The following MKLN1 variants were observed in gnomAD, a reference collection of about 807,000 sequenced individuals.
The protein encoded by MKLN1 is muskelin 1.
In MKLN1, 18 loss-of-function variants were observed where a neutral mutation model predicts 99.0. The observed-to-expected ratio is 0.18, with a 90% CI of 0.13 to 0.27. The LOEUF (loss-of-function observed/expected upper bound fraction) is 0.27, where lower values mean the gene tolerates loss of function less well. Ranked by LOEUF, MKLN1 falls within the 10% of genes least tolerant of loss-of-function variation. The pLI is 1.00. For synonymous variants in MKLN1, 288 were observed against 293.2 expected, an observed-to-expected ratio of 0.98 and a Z score of 0.18; for missense variants, 621 against 875.9, an observed-to-expected ratio of 0.71 and a Z score of 3.67.
At chr7:131,397,709 C>T (rs531668991) in intron 5 of MKLN1, among the ~76,000 whole-genome samples, 2 of 152,166 alleles carry the variant, frequency 1.3e-5, no homozygotes, top group African/African-American at 4.8e-5. Flanking sequence ...CCACAGTCTG[C>T]TTTTATGTTA....
chr7:131,352,999 T>G (rs1175022668), intron 1 of MKLN1, among the ~76,000 whole-genome samples: 1 of 152,176 alleles, frequency 6.6e-6, no homozygotes, highest in East Asian at 1.9e-4. Context: ...TGTGCCACAA[T>G]TTGTTGAACC....
Position 131,491,339 on chromosome 7 carries a change from GCCCC to G in MKLN1, c.*3612_*3615del, listed in dbSNP as rs1467690895. 1 of 151,942 alleles carries G rather than the reference GCCCC, an allele frequency of 6.6e-6. No individual in the cohort carries two copies. Among genetic ancestry groups the G allele is most frequent in the Non-Finnish European group, 1.5e-5 (1 of 68,004 alleles). 9.4% of individuals were successfully genotyped at this position (151,942 alleles called of 1,614,324 possible). Reference sequence around the variant, plus strand: ...CACCAAGTTTTGAATTCCTAAGGTAGCCCCGATCTAGGATGTGAAGGCTGCCCAG... The same window carrying G: ...CACCAAGTTTTGAATTCCTAAGGTAGGATCTAGGATGTGAAGGCTGCCCAG... On this transcript the variant is annotated 3_prime_UTR_variant, in exon 18 of 18. Coordinates refer to ENST00000352689, the MANE Select transcript of MKLN1 (RefSeq NM_013255.5).
At chr7:131,366,047 G>A (rs945471989) in intron 1 of MKLN1, among the ~76,000 whole-genome samples, 2 of 152,148 alleles carry the variant, frequency 1.3e-5, no homozygotes, top group African/African-American at 2.4e-5. Flanking sequence ...TTCGTGAGTA[G>A]TGTTTCCTAG....
At chr7:131,258,998 G>C (rs1276802437) in intron 3 of MKLN1, among the ~76,000 whole-genome samples, 1 of 152,112 alleles carries the variant, frequency 6.6e-6, no homozygotes, top group Non-Finnish European at 1.5e-5. Flanking sequence ...AGAATGTGAG[G>C]GTAACAGGGG....
At chr7:131,292,026 G>T (rs1453938736) in intron 3 of MKLN1, among the ~76,000 whole-genome samples, 1 of 152,096 alleles carries the variant, frequency 6.6e-6, no homozygotes, top group Non-Finnish European at 1.5e-5. Context: ...AGGATGGCTT[G>T]AGCATAGGAG....
chr7:131,376,119 TATATATATATATATATGTATG>T (rs1793646032), intron 2 of MKLN1, among the ~76,000 whole-genome samples: 2 of 194 alleles, frequency 0.01, no homozygotes, highest in African/African-American at 0.053. Flanking sequence ...TATATATATA[TATATATATATATATATGTATG>T]ATGTATGTAT....
intron 2 of MKLN1, among the ~76,000 whole-genome samples, chr7:131,187,761 C>G (rs1317135660): frequency 6.6e-6 from 1 of 152,144 alleles, no homozygotes; most frequent in Non-Finnish European, 1.5e-5. Context: ...GCCACTCTGA[C>G]TGACATGGCG....
chr7:131,470,639 A>G (rs572879026), intron 15 of MKLN1, among the ~76,000 whole-genome samples: 1 of 152,342 alleles, frequency 6.6e-6, no homozygotes, highest in East Asian at 1.9e-4. Context: ...ACCACCTGGC[A>G]TTACCATTAC....
intron 1 of MKLN1, among the ~76,000 whole-genome samples, chr7:131,120,698 C>A (rs1187578049): frequency 1.3e-5 from 2 of 152,190 alleles, no homozygotes; most frequent in African/African-American, 4.8e-5. Context: ...GTGACCTTCA[C>A]TCCAGTTCCC....
intron 3 of MKLN1, among the ~76,000 whole-genome samples, chr7:131,221,695 A>G (rs1031528892): frequency 3.7e-5 from 3 of 80,648 alleles, no homozygotes; most frequent in Non-Finnish European, 5.2e-5. Flanking sequence ...TTTTTTTTGT[A>G]TTTTTAGTAG....
chr7:131,280,768 C>G (rs1044452818), intron 3 of MKLN1, among the ~76,000 whole-genome samples: 3 of 152,088 alleles, frequency 2.0e-5, no homozygotes, highest in African/African-American at 7.2e-5. Flanking sequence ...TGTGCCTCAG[C>G]CTCCAGAGTA....
intron 2 of MKLN1, among the ~76,000 whole-genome samples, chr7:131,169,937 C>T (rs1385707769): frequency 1.3e-5 from 2 of 152,042 alleles, no homozygotes; most frequent in African/African-American, 4.8e-5. Flanking sequence ...CATAGAAAAC[C>T]CTTTCACCTA....
rs544263829 is a variant in MKLN1, at chr7:131,207,139, T to G, written c.-179+4165T>G. 6.6e-5 allele frequency among the ~76,000 whole-genome samples: 10 copies of G among 152,322 alleles called. No individual in the cohort carries two copies. The East Asian group carries it at 1.9e-3, about 29-fold the overall frequency. The stretch of plus-strand genomic sequence containing the variant: ...AGATATTTGAAGATGGGAATCCTTT[T>G]GTTTTCTATAGGCAAGTCTAGAAGG... On this transcript the variant is annotated intron_variant, in intron 3 of 7. Transcript: ENST00000416992.
chr7:131,172,664 A>G (rs911273723), intron 2 of MKLN1, among the ~76,000 whole-genome samples: 1 of 152,194 alleles, frequency 6.6e-6, no homozygotes, highest in Non-Finnish European at 1.5e-5. Flanking sequence ...AAGTTAGATA[A>G]TAGAAATTGA....
intron 1 of MKLN1, among the ~76,000 whole-genome samples, chr7:131,363,353 A>C (rs1800084739): frequency 6.6e-6 from 1 of 151,936 alleles, no homozygotes. Flanking sequence ...CCTCCTGCCC[A>C]CCTAGAATGT....
intron 9 of MKLN1, among the ~76,000 whole-genome samples, chr7:131,431,570 T>C (rs983454670): frequency 1.3e-5 from 2 of 152,152 alleles, no homozygotes; most frequent in Admixed American, 6.6e-5. Flanking sequence ...GGTGCTGGGC[T>C]GCAAAGGGGA....
chr7:131,318,951 T>C (rs1015127546), intron 3 of MKLN1, among the ~76,000 whole-genome samples: 4 of 152,146 alleles, frequency 2.6e-5, no homozygotes, highest in Non-Finnish European at 5.9e-5. Context: ...AGGCAGTAGT[T>C]AATAGCCTAC....
chr7:131,128,124 C>T (rs1238527415), intron 1 of MKLN1, among the ~76,000 whole-genome samples: 5 of 151,560 alleles, frequency 3.3e-5, no homozygotes, highest in Admixed American at 1.3e-4. Context: ...TATGAGCAGG[C>T]CCCTAGACAC....
chr7:131,462,145 C>T (rs879293512), intron 12 of MKLN1, among the ~76,000 whole-genome samples: 3 of 152,100 alleles, frequency 2.0e-5, no homozygotes, highest in African/African-American at 7.2e-5. Context: ...GATCCTCCCA[C>T]CTCAGCCTCC....
Sources: allele counts gnomAD v4.1 joint callset (sites outside exome capture counted in the v4.1 genomes callset), GRCh38; gene constraint gnomAD v4.1.1; transcripts MANE v1.5; gene names NCBI Gene and HGNC (gene_info 2026-07-23, HGNC 2026-07-21).